SYNE1: variants seen among roughly 807,000 people sequenced by gnomAD.
SYNE1 encodes the protein spectrin repeat containing nuclear envelope protein 1.
In SYNE1, 616 loss-of-function variants were observed where a neutral mutation model predicts 1,111.0. The ratio of observed to expected loss-of-function variants is 0.55; its 90% CI spans 0.52 to 0.59. The LOEUF (loss-of-function observed/expected upper bound fraction) is 0.59, where lower values mean the gene tolerates loss of function less well. Among genes scored for constraint, SYNE1 ranks in the 20% least tolerant of loss-of-function variants. SYNE1 has a pLI of 0.00. For missense variants in SYNE1, 10,006 were observed against 10,417.0 expected, an observed-to-expected ratio of 0.96 and a Z score of 1.72; for synonymous variants, 3,855 against 3,825.8, an observed-to-expected ratio of 1.01 and a Z score of -0.28.
chr6:152,463,576 T>TTTG, intron 18 of SYNE1, 59 bp from the exon 19 acceptor site: 5 of 1,370,524 alleles, frequency 3.6e-6, no homozygotes, highest in Non-Finnish European at 4.1e-6. Context: ...GTGACTGATA[T>TTTG]GAAAGTGACT....
chr6:152,153,345 C>T (rs1442753856), intron 133 of SYNE1, among the ~76,000 whole-genome samples: 1 of 152,208 alleles, frequency 6.6e-6, no homozygotes, highest in East Asian at 1.9e-4. Flanking sequence ...GATACCCCAG[C>T]ACACCCATGT....
Position 152,401,212 on chromosome 6 carries a change from A to C in SYNE1, c.6955T>G (p.Trp2319Gly), listed in dbSNP as rs1444970216. 1 of 1,614,010 alleles carries C rather than the reference A, an allele frequency of 6.2e-7. No individual in the cohort carries two copies. Among genetic ancestry groups the C allele is most frequent in the Non-Finnish European group, 8.5e-7 (1 of 1,180,016 alleles). Residue 2319 changes from tryptophan (W) to glycine (G), a missense_variant, in exon 47 of 146, where the codon TGG (tryptophan) becomes GGG (glycine). Coordinates refer to ENST00000367255, the MANE Select transcript of SYNE1 (RefSeq NM_182961.4). ...AACGATTCTTCCACTTTTGTGAACC[A>C]TGTTGTTATGTCATTAATAAACTTC... ...VEKFINDITT[W>G]FTKVEESLMN...
At chr6:152,523,350 G>T (rs981117548) in intron 5 of SYNE1, among the ~76,000 whole-genome samples, 6 of 152,028 alleles carry the variant, frequency 3.9e-5, no homozygotes. Context: ...CTTTGTCAAA[G>T]ATCATTTGAT....
intron 130 of SYNE1, among the ~76,000 whole-genome samples, chr6:152,170,233 A>G (rs546297468): frequency 6.6e-6 from 1 of 152,354 alleles, no homozygotes; most frequent in African/African-American, 2.4e-5. Context: ...TTATTCAAAG[A>G]GCAAAAATGG....
Position 152,326,495 on chromosome 6 carries a change from G to A in SYNE1, c.15094C>T (p.Leu5032Phe). Residue 5032 changes from leucine (L) to phenylalanine (F), a missense_variant, in exon 79 of 146, where the codon CTC (leucine) becomes TTC (phenylalanine). Transcript: ENST00000367255. Reference protein sequence around the residue: ...GLDVESAEENLKSHMEFFSTE... With the variant: ...GLDVESAEENFKSHMEFFSTE... ...CTGAAAAATTCCATGTGGCTTTTGAGATTTTCCTCTGCGCTCTCCACGTCT... is the reference window on the plus strand; with the variant it reads ...CTGAAAAATTCCATGTGGCTTTTGAAATTTTCCTCTGCGCTCTCCACGTCT... The A allele has an allele frequency of 6.2e-7, 1 of 1,614,216 alleles. No individual in the cohort carries two copies.
chr6:152,330,330 C>G lies in SYNE1; in HGVS notation c.14355G>C (p.Lys4785Asn), dbSNP rs751898330. The change falls in exon 78 of 146, where the codon AAG becomes AAC. Residue 4785 changes from lysine to asparagine, a missense_variant. Coordinates refer to ENST00000367255, the MANE Select transcript of SYNE1 (RefSeq NM_182961.4). ...DTTSAYQEHE[K>N]MCQQLERQLK... The stretch of plus-strand genomic sequence containing the variant: ...GTTGTCTCTCCAGCTGTTGGCACAT[C>G]TTCTCGTGTTCTTGGTAAGCACTGG... 6.2e-7 allele frequency: 1 copy of G among 1,614,164 alleles called. No individual in the cohort carries two copies. Among genetic ancestry groups the G allele is most frequent in the African/African-American group, 1.3e-5 (1 of 75,028 alleles).
chr6:152,158,839 CTAAA>C (rs2061857231), intron 131 of SYNE1, among the ~76,000 whole-genome samples: 2 of 152,180 alleles, frequency 1.3e-5, no homozygotes, highest in Admixed American at 1.3e-4. Flanking sequence ...TTCATTTTCC[CTAAA>C]TACTCAAAAG....
intron 3 of SYNE1, among the ~76,000 whole-genome samples, chr6:152,585,523 T>C (rs891111058): frequency 1.3e-5 from 2 of 152,376 alleles, no homozygotes; most frequent in East Asian, 1.9e-4. Flanking sequence ...TTTTCCTTTT[T>C]GTAATGATTT....
At chr6:152,574,269 G>A (rs1460869730) in intron 3 of SYNE1, among the ~76,000 whole-genome samples, 1 of 149,628 alleles carries the variant, frequency 6.7e-6, no homozygotes, top group East Asian at 1.9e-4. Context: ...GTGGCAAAAG[G>A]AGTAGGTTTA....
chr6:152,157,155 TC>T (rs1385487600), intron 131 of SYNE1, among the ~76,000 whole-genome samples: 3 of 152,062 alleles, frequency 2.0e-5, no homozygotes, highest in African/African-American at 7.2e-5. Flanking sequence ...AACAGTTAAT[TC>T]CACCATCATT....
chr6:152,228,025 T>C (rs2081993657), intron 115 of SYNE1, among the ~76,000 whole-genome samples: 1 of 152,148 alleles, frequency 6.6e-6, no homozygotes, highest in Non-Finnish European at 1.5e-5. Context: ...ATAAATCACC[T>C]ATAAAAGACT....
intron 3 of SYNE1, among the ~76,000 whole-genome samples, chr6:152,623,371 C>A (rs1472866795): frequency 6.6e-6 from 1 of 151,986 alleles, no homozygotes; most frequent in East Asian, 1.9e-4. Flanking sequence ...CAAAAATTAA[C>A]TCAAGATATA....
chr6:152,586,050 T>TGTG (rs1248557620), intron 3 of SYNE1, among the ~76,000 whole-genome samples: 3 of 152,158 alleles, frequency 2.0e-5, no homozygotes, highest in African/African-American at 7.2e-5. Context: ...CTCTTACATA[T>TGTG]GTGGGCCTAT....
chr6:152,504,120 A>C (rs1311246112), intron 9 of SYNE1, among the ~76,000 whole-genome samples: 1 of 152,080 alleles, frequency 6.6e-6, no homozygotes, highest in Non-Finnish European at 1.5e-5. Flanking sequence ...CTTTCATCCC[A>C]CTCTAGGAAT....
chr6:152,148,788 A>G lies in SYNE1; in HGVS notation c.24643-410T>C, dbSNP rs1049932544. Among the ~76,000 whole-genome samples the G allele has an allele frequency of 1.3e-5, 2 of 151,972 alleles. No individual in the cohort carries two copies. On this transcript the variant is annotated intron_variant, in intron 136 of 145. Coordinates refer to ENST00000367255, the MANE Select transcript of SYNE1 (RefSeq NM_182961.4). The surrounding 1 kb of genome is among the most constrained non-coding windows in gnomAD (Gnocchi z 4.1). ...AAAACATACTTCAAATAATTAATAT[A>G]AGATTAAATAAATATTATAAAGAAA...
At chr6:152,433,641 G>T in intron 34 of SYNE1, 154 bp downstream of exon 34, 1 of 848,806 alleles carries the variant, frequency 1.2e-6, no homozygotes, top group Non-Finnish European at 1.9e-6. Flanking sequence ...TATTAATCCA[G>T]ACCTCTTAGC....
intron 3 of SYNE1, among the ~76,000 whole-genome samples, chr6:152,611,500 G>C (rs1489853838): frequency 6.6e-6 from 1 of 152,274 alleles, no homozygotes; most frequent in East Asian, 1.9e-4. Context: ...CATAAAGCAA[G>C]TCCTTAGAGA....
intron 73 of SYNE1, among the ~76,000 whole-genome samples, chr6:152,345,577 ATT>A (rs35360932): frequency 6.7e-6 from 1 of 150,070 alleles, no homozygotes; most frequent in South Asian, 2.1e-4. Context: ...TTGAAGGTGA[ATT>A]TTTTTTTTTA....
chr6:152,554,640 T>C (rs2099359084), intron 3 of SYNE1, among the ~76,000 whole-genome samples: 1 of 152,206 alleles, frequency 6.6e-6, no homozygotes, highest in South Asian at 2.1e-4. Context: ...CCTCTGAGCC[T>C]GCCTATCTAA....
Sources: gnomAD v4.1 joint callset for allele counts (sites outside exome capture counted in the v4.1 genomes callset) on GRCh38, gnomAD v4.1.1 for gene constraint, Gnocchi (gnomAD v3.1) non-coding constraint, MANE v1.5 for transcripts, NCBI Gene and HGNC (gene_info 2026-07-23, HGNC 2026-07-21) for gene names.